Variants in PLAGL1 observed in about 807,000 individuals in gnomAD.
PLAGL1 encodes the protein PLAG1 like zinc finger 1.
Under a neutral mutation model 4.6 loss-of-function variants are expected in PLAGL1, and 1 was observed. The observed-to-expected ratio is 0.22, with a 90% confidence interval of 0.08 to 1.03. PLAGL1 has a LOEUF of 1.03. PLAGL1 is among the 50% of genes least tolerant of loss of function. The probability of loss-of-function intolerance (pLI) is 0.58; values close to 1 mark genes in which losing one functional copy is unlikely to be tolerated. For synonymous variants in PLAGL1, 240 were observed against 237.8 expected, an observed-to-expected ratio of 1.01 and a Z score of -0.08; for missense variants, 464 against 570.4, an observed-to-expected ratio of 0.81 and a Z score of 1.90.
At chr6:144,058,286 G>A (rs1383133942) in intron 1 of PLAGL1, among the ~76,000 whole-genome samples, 1 of 152,106 alleles carries the variant, frequency 6.6e-6, no homozygotes, top group African/African-American at 2.4e-5. Context: ...CCAGATCTTG[G>A]GTGAGCTCAC....
At chr6:144,033,868 C>A (rs1419991279) in intron 1 of PLAGL1, among the ~76,000 whole-genome samples, 2 of 152,192 alleles carry the variant, frequency 1.3e-5, no homozygotes, top group Non-Finnish European at 2.9e-5. Flanking sequence ...AGAAAAAAAT[C>A]TGTCAAAAGA....
intron 1 of PLAGL1, among the ~76,000 whole-genome samples, chr6:144,025,319 G>A (rs994191136): frequency 5.9e-5 from 9 of 152,208 alleles, no homozygotes; most frequent in Admixed American, 5.9e-4. Context: ...TCACAGCCAA[G>A]AAGTCCCTAA....
intron 6 of PLAGL1, among the ~76,000 whole-genome samples, chr6:143,951,858 T>G (rs10484818): frequency 0.01 from 1,581 of 152,346 alleles, 22 homozygotes; most frequent in African/African-American, 0.036. Flanking sequence ...TAATACTAAT[T>G]GCAAAGTTGG....
chr6:144,040,126 A>G (rs1797609726), intron 1 of PLAGL1, among the ~76,000 whole-genome samples: 1 of 152,244 alleles, frequency 6.6e-6, no homozygotes, highest in African/African-American at 2.4e-5. Flanking sequence ...GGGCTTAGGG[A>G]GGGACCTACA....
intron 7 of PLAGL1, among the ~76,000 whole-genome samples, chr6:143,944,749 G>T (rs543935166): frequency 1.3e-5 from 2 of 151,708 alleles, no homozygotes; most frequent in South Asian, 4.2e-4. Flanking sequence ...TACATATGAA[G>T]GGGGGAGCTG....
At chr6:143,943,466 A>G (rs1478823290) in intron 7 of PLAGL1, among the ~76,000 whole-genome samples, 1 of 151,872 alleles carries the variant, frequency 6.6e-6, no homozygotes, top group Admixed American at 6.6e-5. Context: ...AAAAGTGTCT[A>G]ATAGGACCCT....
intron 1 of PLAGL1, among the ~76,000 whole-genome samples, chr6:144,023,077 A>G (rs1796085659): frequency 6.6e-6 from 1 of 152,246 alleles, no homozygotes; most frequent in East Asian, 1.9e-4. Context: ...CTATTAATTC[A>G]TGCAACACCA....
At chr6:143,944,154 A>C (rs1363276853) in intron 7 of PLAGL1, among the ~76,000 whole-genome samples, 1 of 152,220 alleles carries the variant, frequency 6.6e-6, no homozygotes, top group African/African-American at 2.4e-5. Context: ...CACGTTAGAT[A>C]CAGAAGATTT....
In PLAGL1 at chr6:144,006,347, CAA is replaced by C. The variant is rs749998558; in HGVS notation, c.-584+1741_-584+1742del. 6.6e-6 allele frequency: 1 copy of C among 152,086 alleles called. No homozygotes were observed. 9.4% of individuals were successfully genotyped at this position (152,086 alleles called of 1,614,324 possible). ...TTCAAACCCAGTGTGTATCATTTAA[CAA>C]AGAGTTACAAAGCAAACACCCATGT... On this transcript the variant is annotated intron_variant, in intron 1 of 7. Coordinates refer to ENST00000674357, the MANE Select transcript of PLAGL1 (RefSeq NM_001317162.2). This position sits in a 1 kb window ranked among gnomAD's most constrained non-coding sequence, Gnocchi z 4.3.
chr6:143,978,316 T>C lies in PLAGL1; in HGVS notation c.-544+6819A>G, dbSNP rs905422428. ...TCTTTTCTAATACATCATTTAATGC[T>C]ACAAATTTTGAAGCACTGTTTCAGC... is the stretch of plus-strand genomic sequence containing the variant. On this transcript the variant is annotated intron_variant, in intron 2 of 7. Transcript: ENST00000674357. This position sits in a 1 kb window ranked among gnomAD's most constrained non-coding sequence, Gnocchi z 4.6. Among the ~76,000 whole-genome samples the C allele has an allele frequency of 1.3e-5, 2 of 152,180 alleles. No homozygotes were observed. The highest frequency in any genetic ancestry group is 2.4e-5 in the African/African-American group (1 of 41,448).
At chr6:143,951,084 T>C (rs1780974175) in intron 6 of PLAGL1, among the ~76,000 whole-genome samples, 1 of 149,340 alleles carries the variant, frequency 6.7e-6, no homozygotes, top group South Asian at 2.1e-4. Context: ...AGTGGAAAGA[T>C]TCCCCAGTTC....
rs150296668 is a variant in PLAGL1 at position 143,990,921 on chromosome 6, CT to C, written c.-583-5748del. On this transcript the variant is annotated intron_variant, in intron 1 of 7. Transcript: ENST00000674357. The surrounding 1 kb of genome is among the most constrained non-coding windows in gnomAD (Gnocchi z 5.4). ...CTATGAATGTTTTCTGTGTTGACCA[CT>C]TGGTGTCAATTATTTAATTGTTCCA... is the stretch of plus-strand genomic sequence containing the variant. 0.032 allele frequency among the ~76,000 whole-genome samples: 4,877 copies of C among 152,328 alleles called. 273 individuals are homozygous for C. Among genetic ancestry groups the C allele is most frequent in the African/African-American group, 0.11 (4,643 of 41,544 alleles).
intron 1 of PLAGL1, among the ~76,000 whole-genome samples, chr6:143,986,904 A>G (rs1049303847): frequency 6.6e-6 from 1 of 152,104 alleles, no homozygotes; most frequent in African/African-American, 2.4e-5. Flanking sequence ...CAGCCAGGGG[A>G]GGAGAATGCA....
At chr6:144,023,242 T>C (rs1796098645) in intron 1 of PLAGL1, among the ~76,000 whole-genome samples, 1 of 152,188 alleles carries the variant, frequency 6.6e-6, no homozygotes, top group African/African-American at 2.4e-5. Context: ...GGAAGTAGAT[T>C]GACTGGGTGA....
intron 1 of PLAGL1, among the ~76,000 whole-genome samples, chr6:144,052,454 G>T (rs1798643801): frequency 6.6e-6 from 1 of 152,192 alleles, no homozygotes; most frequent in Non-Finnish European, 1.5e-5. Flanking sequence ...ATTTTGTAGA[G>T]ATCTAATTTT....
In PLAGL1 at chr6:144,034,373, G is replaced by A. The variant is rs1394322211; in HGVS notation, c.-151+30095C>T. On this transcript the variant is annotated intron_variant, in intron 1 of 3. Transcript: ENST00000437412. The surrounding 1 kb of genome is among the most constrained non-coding windows in gnomAD (Gnocchi z 4.7). The stretch of plus-strand genomic sequence containing the variant: ...ACAGCCCCCAGGCTGACTGGAAGAC[G>A]GGGCTCACTGCACACTCATCCCAAG... Among the ~76,000 whole-genome samples, 2 of 152,204 alleles carry A rather than the reference G, an allele frequency of 1.3e-5. No homozygotes were observed. Among genetic ancestry groups the A allele is most frequent in the African/African-American group, 2.4e-5 (1 of 41,434 alleles).
Position 143,942,727 on chromosome 6 carries a change from A to G in PLAGL1, c.153-64T>C. 8.4e-7 allele frequency: 1 copy of G among 1,190,936 alleles called. No individual in the cohort carries two copies. Among genetic ancestry groups the G allele is most frequent in the Non-Finnish European group, 1.2e-6 (1 of 839,848 alleles). 73.8% of individuals were successfully genotyped at this position (1,190,936 alleles called of 1,614,324 possible). A position where few individuals can be genotyped will look rare whatever the true frequency, so the allele number is the denominator to read the frequency against. On this transcript the variant is annotated intron_variant, in intron 7 of 7. Coordinates refer to ENST00000674357, the MANE Select transcript of PLAGL1 (RefSeq NM_001317162.2). This position sits in a 1 kb window ranked among gnomAD's most constrained non-coding sequence, Gnocchi z 7.6. ...TTTAAGAGCTGAAGAAAGGTGTAGC[A>G]ACAATATTATATCAAAATGTTAATA...
At chr6:144,051,906 G>A (rs113951791) in intron 1 of PLAGL1, among the ~76,000 whole-genome samples, 3,627 of 152,300 alleles carry the variant, frequency 0.024, 63 homozygotes, top group Non-Finnish European at 0.037. Context: ...AATTGTGGGA[G>A]TTACAATTCA....
At chr6:143,992,316 A>G (rs186178064) in intron 1 of PLAGL1, among the ~76,000 whole-genome samples, 386 of 152,366 alleles carry the variant, frequency 2.5e-3, no homozygotes, top group Non-Finnish European at 4.4e-3. Flanking sequence ...AAGGTGGTAC[A>G]ATCACAGGCT....
Sources: gnomAD v4.1 joint callset for allele counts (sites outside exome capture counted in the v4.1 genomes callset) on GRCh38, gnomAD v4.1.1 for gene constraint, Gnocchi (gnomAD v3.1) non-coding constraint, MANE v1.5 for transcripts, NCBI Gene and HGNC (gene_info 2026-07-23, HGNC 2026-07-21) for gene names.